The following DMGDH variants were observed in gnomAD, a reference collection of about 807,000 sequenced individuals.
DMGDH encodes the protein dimethylglycine dehydrogenase, also known as dimethylglycine dehydrogenase, mitochondrial.
Under a neutral mutation model 95.2 loss-of-function variants are expected in DMGDH, and 76 were observed. That is an observed-to-expected ratio of 0.80 (90% CI 0.66 to 0.97). The LOEUF is 0.97. DMGDH is among the 50% of genes least tolerant of loss of function. The probability of loss-of-function intolerance (pLI) is 0.00; values close to 1 mark genes in which losing one functional copy is unlikely to be tolerated. For missense variants in DMGDH, 987 were observed against 1,055.0 expected (o/e 0.94, Z 0.89); for synonymous variants, 345 against 377.6 (o/e 0.91, Z 1.00).
chr5:79,059,910 CT>C (rs1475785248), intron 2 of DMGDH, among the ~76,000 whole-genome samples: 1 of 152,164 alleles, frequency 6.6e-6, no homozygotes, highest in Non-Finnish European at 1.5e-5. Flanking sequence ...AAGTTCACCC[CT>C]CTCCCTTTCA....
chr5:79,060,378 T>G (rs1272883344), intron 2 of DMGDH, among the ~76,000 whole-genome samples: 1 of 152,232 alleles, frequency 6.6e-6, no homozygotes, highest in Non-Finnish European at 1.5e-5. Flanking sequence ...AGGTATATCA[T>G]GAGCTGACAA....
intron 7 of DMGDH, 117 bp downstream of exon 7, chr5:79,042,166 C>T (rs1291192126): frequency 2.0e-6 from 2 of 986,246 alleles, no homozygotes; most frequent in African/African-American, 3.2e-5. Flanking sequence ...CTCTCTGTTT[C>T]TCTTTCTCTC....
chr5:79,035,742 G>C (rs1226195307), intron 7 of DMGDH, among the ~76,000 whole-genome samples: 1 of 61,598 alleles, frequency 1.6e-5, no homozygotes, highest in Non-Finnish European at 3.3e-5. Context: ...AGTGGTGGGC[G>C]GGGGGGGAAT....
At chr5:79,007,327 T>G (rs771831632) in intron 14 of DMGDH, among the ~76,000 whole-genome samples, 3 of 152,140 alleles carry the variant, frequency 2.0e-5, no homozygotes, top group Non-Finnish European at 4.4e-5. Flanking sequence ...AATACAGTAT[T>G]CGTGGGATTT....
chr5:78,997,735 C>T lies in DMGDH; in HGVS notation c.*347G>A, dbSNP rs113897350. The T allele has an allele frequency of 1.9e-3, 441 of 235,654 alleles. 7 individuals are homozygous for T. Among genetic ancestry groups the T allele is most frequent in the African/African-American group, 9.3e-3 (403 of 43,530 alleles). The allele number at this position is 235,654 out of a possible 1,614,324, so 14.6% of individuals were successfully genotyped here. ...TAATTTGTTTTCAGCTGTCAAGAAC[C>T]GAATGCATTTGTTACTAAAATTATA... On this transcript the variant is annotated 3_prime_UTR_variant, in exon 16 of 16. Coordinates refer to ENST00000255189, the MANE Select transcript of DMGDH (RefSeq NM_013391.3).
At chr5:79,041,165 T>C (rs1036016671) in intron 7 of DMGDH, among the ~76,000 whole-genome samples, 6 of 152,224 alleles carry the variant, frequency 3.9e-5, no homozygotes, top group African/African-American at 1.4e-4. Context: ...CATCTCTCAG[T>C]CTTCACTGCT....
At position 79,063,515 on chromosome 5, in the gene DMGDH, C is replaced by A. The variant is rs1396272506; in HGVS notation, c.276+98G>T. 8 of 1,454,744 alleles carry A rather than the reference C, an allele frequency of 5.5e-6. No individual in the cohort carries two copies. The African/African-American group carries it at 1.1e-4, about 20-fold the overall frequency. 90.1% of individuals were successfully genotyped at this position (1,454,744 alleles called of 1,614,324 possible). On this transcript the variant is annotated intron_variant, in intron 2 of 15. Coordinates refer to ENST00000255189, the MANE Select transcript of DMGDH (RefSeq NM_013391.3). ...TCCAACGCTATTGAAGGGGAACGCA[C>A]TCTAAAGAGCTCACAGTTGGGAGTT...
chr5:79,045,514 C>T (rs1046377854), intron 5 of DMGDH, among the ~76,000 whole-genome samples: 4 of 152,140 alleles, frequency 2.6e-5, no homozygotes, highest in Non-Finnish European at 5.9e-5. Context: ...ATCATCACAT[C>T]TTATTGGTTT....
At chr5:79,000,857 G>C (rs970827411) in intron 15 of DMGDH, 61 of 639,786 alleles carry the variant, frequency 9.5e-5, no homozygotes, top group South Asian at 3.7e-5. Context: ...ATTTCCTCAG[G>C]CTATTCAATA....
In DMGDH at chr5:79,069,646, G is replaced by A; in HGVS notation, c.-26C>T. On this transcript the variant is annotated 5_prime_UTR_variant, in exon 1 of 16. Coordinates refer to ENST00000255189, the MANE Select transcript of DMGDH (RefSeq NM_013391.3). Reference sequence around the variant, plus strand: ...GACTAGGCCGAGGCCGAGGGCGCAGGCGCCTGCTCCGAGGCCAGCGGGCAG... The same window carrying A: ...GACTAGGCCGAGGCCGAGGGCGCAGACGCCTGCTCCGAGGCCAGCGGGCAG... 1 of 1,322,314 alleles carries A rather than the reference G, an allele frequency of 7.6e-7. No homozygotes were observed. Among genetic ancestry groups the A allele is most frequent in the Non-Finnish European group, 9.6e-7 (1 of 1,039,492 alleles). The allele number at this position is 1,322,314 out of a possible 1,614,324, so 81.9% of individuals were successfully genotyped here. A position where few individuals can be genotyped will look rare whatever the true frequency, so the allele number is the denominator to read the frequency against.
intron 14 of DMGDH, among the ~76,000 whole-genome samples, chr5:79,022,038 A>G (rs758767911): frequency 1.3e-5 from 2 of 152,208 alleles, no homozygotes; most frequent in South Asian, 2.1e-4. Flanking sequence ...TCTTCACATT[A>G]TGGCTTAAAC....
At chr5:79,018,705 A>G (rs1458802666) in intron 14 of DMGDH, among the ~76,000 whole-genome samples, 4 of 152,188 alleles carry the variant, frequency 2.6e-5, no homozygotes, top group Non-Finnish European at 5.9e-5. Flanking sequence ...TAAAAATAAA[A>G]GCAATCTTAA....
At chr5:79,021,889 G>A (rs1483460310) in intron 14 of DMGDH, among the ~76,000 whole-genome samples, 2 of 152,078 alleles carry the variant, frequency 1.3e-5, no homozygotes, top group Admixed American at 1.3e-4. Flanking sequence ...GGTGGCGTTC[G>A]ACCTAAGCTA....
At chr5:79,011,108 G>A (rs1206833967) in intron 14 of DMGDH, among the ~76,000 whole-genome samples, 1 of 152,086 alleles carries the variant, frequency 6.6e-6, no homozygotes, top group East Asian at 1.9e-4. Context: ...TTATGCCTCA[G>A]GAAACTTATA....
In DMGDH at chr5:79,044,423, C is replaced by G; in HGVS notation, c.875G>C (p.Arg292Pro). ...GAGATAATATGATCCTTCCAGGTCA[C>G]GGAGCACAGGCAGTTCTCGTTTCAA... ...KALKRELPVL[R>P]DLEGSYYLRQ... The change falls in exon 6 of 16, where the codon CGT (arginine) becomes CCT (proline). Residue 292 changes from arginine to proline, a missense_variant. Coordinates refer to ENST00000255189, the MANE Select transcript of DMGDH (RefSeq NM_013391.3). The G allele has an allele frequency of 2.5e-6, 4 of 1,614,148 alleles. No homozygotes were observed. Among genetic ancestry groups the G allele is most frequent in the Non-Finnish European group, 3.4e-6 (4 of 1,180,016 alleles).
chr5:79,050,273 A>AAATATAT (rs1554037270), intron 5 of DMGDH, among the ~76,000 whole-genome samples: 25 of 20,942 alleles, frequency 1.2e-3, no homozygotes, highest in Non-Finnish European at 2.0e-3. Flanking sequence ...AAAAAAAAAA[A>AAATATAT]ATATATATAT....
chr5:79,006,030 C>G (rs1269518672), intron 14 of DMGDH, among the ~76,000 whole-genome samples: 1 of 149,544 alleles, frequency 6.7e-6, no homozygotes, highest in African/African-American at 2.4e-5. Context: ...AGAGTTTATT[C>G]TCTAATACTG....
chr5:79,039,014 T>C (rs1216785379), intron 7 of DMGDH, among the ~76,000 whole-genome samples: 2 of 150,992 alleles, frequency 1.3e-5, no homozygotes, highest in Admixed American at 6.6e-5. Context: ...TGAGATACCA[T>C]CTCACACCAG....
intron 5 of DMGDH, among the ~76,000 whole-genome samples, chr5:79,046,482 G>C (rs1003668611): frequency 1.3e-5 from 2 of 152,046 alleles, no homozygotes; most frequent in Non-Finnish European, 2.9e-5. Flanking sequence ...CGACCTCCCA[G>C]GCTCAGGTGA....
Sources: allele counts gnomAD v4.1 joint callset (sites outside exome capture counted in the v4.1 genomes callset), GRCh38; gene constraint gnomAD v4.1.1; transcripts MANE v1.5; gene names NCBI Gene and HGNC (gene_info 2026-07-23, HGNC 2026-07-21).